CD99L2: variants seen among roughly 807,000 people sequenced by gnomAD.
CD99L2 encodes the protein CD99 antigen-like protein 2.
In CD99L2, 24 loss-of-function variants were observed where a neutral mutation model predicts 27.3. The ratio of observed to expected loss-of-function variants is 0.88; its 90% CI spans 0.64 to 1.24. CD99L2 has a LOEUF of 1.24. CD99L2 is among the 50% of genes most tolerant of loss of function. The pLI is 0.00. For synonymous variants in CD99L2, 97 were observed against 87.9 expected (o/e 1.10, Z -0.58); for missense variants, 255 against 221.6 (o/e 1.15, Z -0.96).
rs1473831021 is a variant in CD99L2 at position 150,767,400 on chromosome X, C to T, written c.*1634G>A. 1.8e-5 allele frequency: 2 copies of T among 112,008 alleles called. No individual in the cohort carries two copies. The highest frequency in any genetic ancestry group is 2.8e-4 in the East Asian group (1 of 3,536). 9.2% of individuals were successfully genotyped at this position (112,008 alleles called of 1,213,427 possible). On this transcript the variant is annotated 3_prime_UTR_variant, in exon 11 of 11. Coordinates refer to ENST00000370377, the MANE Select transcript of CD99L2 (RefSeq NM_031462.4). ...AGTGCTGCAGGTCCCCCTTCAGCCA[C>T]ACAGTCCAGGTCTGTCAGGGATTAA...
chrX:150,828,911 C>T (rs1360450819), intron 2 of CD99L2: 1 of 111,016 alleles, frequency 9.0e-6, no homozygotes, highest in African/African-American at 3.3e-5. Flanking sequence ...AGGACATGGA[C>T]AAGAATGTCC....
intron 4 of CD99L2, among the ~76,000 whole-genome samples, chrX:150,812,435 GCAAA>G (rs1446366358): frequency 1.8e-5 from 2 of 111,900 alleles, no homozygotes; most frequent in African/African-American, 6.5e-5. Context: ...TATACAGATG[GCAAA>G]CAAATACATG....
At chrX:150,893,631 T>C (rs2047556117) in intron 1 of CD99L2, among the ~76,000 whole-genome samples, 1 of 109,358 alleles carries the variant, frequency 9.1e-6, no homozygotes, top group Non-Finnish European at 1.9e-5. Context: ...AATGGCAATG[T>C]AATTCCTATA....
intron 1 of CD99L2, among the ~76,000 whole-genome samples, chrX:150,857,444 C>T (rs188791867): frequency 3.7e-5 from 4 of 109,076 alleles, no homozygotes; most frequent in Admixed American, 2.0e-4. Context: ...GAGAATGGCA[C>T]GATATGTTCA....
intron 4 of CD99L2, among the ~76,000 whole-genome samples, chrX:150,798,152 GAGGGAGGGAGGAAAGGAAGGAAGGAAGGA>G (rs2045832698): frequency 2.6e-5 from 1 of 38,502 alleles, no homozygotes; most frequent in African/African-American, 1.1e-4. Flanking sequence ...GGAAGGGAGG[GAGGGAGGGAGGAAAGGAAGGAAGGAAGGA>G]AGGGAGGGAG....
chrX:150,802,430 G>A (rs1477611789), intron 4 of CD99L2, among the ~76,000 whole-genome samples: 6 of 108,138 alleles, frequency 5.5e-5, no homozygotes, highest in Admixed American at 9.9e-5. Context: ...CAGGTATGGT[G>A]GTATGTGCCT....
chrX:150,825,429 C>A (rs1021647459), intron 2 of CD99L2, among the ~76,000 whole-genome samples: 4 of 112,007 alleles, frequency 3.6e-5, no homozygotes, highest in Admixed American at 2.9e-4. Context: ...TCCACACAGT[C>A]TTGATTACTT....
chrX:150,771,763 G>A, intron 9 of CD99L2: 3 of 1,150,599 alleles, frequency 2.6e-6, no homozygotes, highest in Non-Finnish European at 3.5e-6. Context: ...GAAGCATCAA[G>A]GCTGAAGCAA....
intron 9 of CD99L2, among the ~76,000 whole-genome samples, chrX:150,771,189 C>T (rs907492074): frequency 1.8e-5 from 2 of 112,303 alleles, no homozygotes; most frequent in Admixed American, 1.9e-4. Flanking sequence ...AACCGACCGA[C>T]CGACCGACCA....
At chrX:150,864,403 C>CA (rs1443787699) in intron 1 of CD99L2, among the ~76,000 whole-genome samples, 1 of 112,563 alleles carries the variant, frequency 8.9e-6, no homozygotes, top group South Asian at 3.6e-4. Flanking sequence ...ACCATGAAGG[C>CA]AAAAATTCAA....
intron 1 of CD99L2, among the ~76,000 whole-genome samples, chrX:150,896,330 G>A (rs781891985): frequency 1.8e-5 from 2 of 112,020 alleles, no homozygotes; most frequent in East Asian, 2.8e-4. Flanking sequence ...CCCAGGAGGC[G>A]AAGGTTGCGG....
chrX:150,871,963 C>T (rs1240920541), intron 1 of CD99L2, among the ~76,000 whole-genome samples: 10 of 111,885 alleles, frequency 8.9e-5, no homozygotes, highest in South Asian at 3.8e-4. Context: ...CTGGGCACAA[C>T]GGCTCACCTG....
chrX:150,877,959 T>TAC (rs72172934), intron 1 of CD99L2, among the ~76,000 whole-genome samples: 4,572 of 82,975 alleles, frequency 0.055, 185 homozygotes, highest in African/African-American at 0.13. Flanking sequence ...CTCAAACACA[T>TAC]ACACACACAC....
Position 150,777,469 on chromosome X carries a change from G to C in CD99L2, c.510C>G (p.Tyr170Ter), listed in dbSNP as rs140019374. ...CAGATCCAGGGTCGTCATTGCTGCC[G>C]TACCGGCCATCACCTGAAGAAAAGA... Reference protein sequence around the residue: ...KPDKGKGDGRYGSNDDPGSGM... With the variant: ...KPDKGKGDGR The change falls in exon 8 of 11, where the codon TAC (tyrosine) becomes TAG (stop). Residue 170 changes from tyrosine (Y) to a stop codon, truncating the protein, a stop_gained. Transcript: ENST00000370377. LOFTEE classifies it high-confidence loss of function. 3 of 1,211,247 alleles carry C rather than the reference G, an allele frequency of 2.5e-6. No homozygotes were observed. Among genetic ancestry groups the C allele is most frequent in the Non-Finnish European group, 3.4e-6 (3 of 895,290 alleles).
In CD99L2 at chrX:150,898,535, G is replaced by C; in HGVS notation, c.54C>G (p.Thr18=). ...FLVCLAFSLA[T]LVQRGSGDFD... Reference sequence around the variant, plus strand: ...CGCCCGCCTTACCTCGCTGGACCAGGGTGGCCAAGGAGAAAGCGAGGCAGA... The same window carrying C: ...CGCCCGCCTTACCTCGCTGGACCAGCGTGGCCAAGGAGAAAGCGAGGCAGA... Residue 18 remains threonine, a synonymous_variant, in exon 1 of 11, where the codon ACC becomes ACG. Coordinates refer to ENST00000370377, the MANE Select transcript of CD99L2 (RefSeq NM_031462.4). 9.0e-7 allele frequency: 1 copy of C among 1,112,775 alleles called. No individual in the cohort carries two copies. The highest frequency in any genetic ancestry group is 2.1e-5 in the South Asian group (1 of 48,024). 91.7% of individuals were successfully genotyped at this position (1,112,775 alleles called of 1,213,427 possible).
chrX:150,864,875 C>T (rs1326615580), intron 1 of CD99L2, among the ~76,000 whole-genome samples: 1 of 111,032 alleles, frequency 9.0e-6, no homozygotes, highest in Non-Finnish European at 1.9e-5. Context: ...AATTTACCTG[C>T]CTGGGCAACA....
At chrX:150,894,522 T>TG (rs2047573754) in intron 1 of CD99L2, among the ~76,000 whole-genome samples, 1 of 111,414 alleles carries the variant, frequency 9.0e-6, no homozygotes, top group African/African-American at 3.3e-5. Flanking sequence ...AGCAGGCACT[T>TG]GGTGGCTTGC....
intron 4 of CD99L2, among the ~76,000 whole-genome samples, chrX:150,796,628 GAAC>G (rs1191487517): frequency 8.9e-6 from 1 of 112,265 alleles, no homozygotes; most frequent in Non-Finnish European, 1.9e-5. Context: ...TTGAAGGAGT[GAAC>G]AATAATCAAC....
chrX:150,882,777 T>C (rs187568102), intron 1 of CD99L2, among the ~76,000 whole-genome samples: 1 of 112,593 alleles, frequency 8.9e-6, no homozygotes, highest in African/African-American at 3.2e-5. Flanking sequence ...AATAGATTAT[T>C]TGGACCAATC....
Sources: allele counts gnomAD v4.1 joint callset (sites outside exome capture counted in the v4.1 genomes callset), GRCh38; gene constraint gnomAD v4.1.1; transcripts MANE v1.5; gene names NCBI Gene and HGNC (gene_info 2026-07-23, HGNC 2026-07-21).